The following PPHLN1 variants were observed in gnomAD, a reference collection of about 807,000 sequenced individuals.
PPHLN1 encodes periphilin-1.
PPHLN1 carries 29 observed loss-of-function variants against 51.3 expected under a neutral mutation model. The observed-to-expected ratio is 0.57, with a 90% CI of 0.42 to 0.77. The LOEUF is 0.77. Among genes scored for constraint, PPHLN1 ranks in the 30% least tolerant of loss-of-function variants. The pLI is 0.00. For missense variants in PPHLN1, 436 were observed against 438.4 expected (o/e 0.99, Z 0.05); for synonymous variants, 147 against 147.8 (o/e 0.99, Z 0.04).
Position 42,374,905 on chromosome 12 carries a change from C to G in PPHLN1, c.342C>G (p.Ser114=). The change falls in exon 5 of 10, where the codon TCC becomes TCG. Residue 114 remains serine (S), a synonymous_variant. Transcript: ENST00000358314. ...DGFRRKSFYS[S]HYARERSPYK... is the part of the protein sequence containing the mutation. ...TTAGAAGAAAAAGTTTCTACTCTTC[C>G]CATTATGCGAGAGAGCGGTCTCCTT... 6.2e-7 allele frequency: 1 copy of G among 1,613,258 alleles called. No individual in the cohort carries two copies. The highest frequency in any genetic ancestry group is 8.5e-7 in the Non-Finnish European group (1 of 1,179,828).
intron 2 of PPHLN1, among the ~76,000 whole-genome samples, chr12:42,337,280 T>G (rs1383532395): frequency 6.6e-6 from 1 of 151,406 alleles, no homozygotes; most frequent in Non-Finnish European, 1.5e-5. Flanking sequence ...TTTTTTTTTT[T>G]GAGATGGAGT....
chr12:42,331,982 T>C (rs1459119319), intron 1 of PPHLN1: 1 of 152,250 alleles, frequency 6.6e-6, no homozygotes, highest in Non-Finnish European at 1.5e-5. Context: ...ATCAGCTATT[T>C]TTAAATCCTT....
At chr12:42,379,274 C>T (rs913774532) in intron 5 of PPHLN1, among the ~76,000 whole-genome samples, 2 of 151,918 alleles carry the variant, frequency 1.3e-5, no homozygotes, top group Non-Finnish European at 2.9e-5. Flanking sequence ...GATAAATTTA[C>T]TAAATCACAA....
intron 9 of PPHLN1, chr12:42,399,704 C>T (rs1273807663): frequency 6.6e-6 from 1 of 152,604 alleles, no homozygotes; most frequent in Non-Finnish European, 1.5e-5. Flanking sequence ...AAATCCGTTT[C>T]CTTTTGTTGG....
chr12:42,375,237 TACAC>T, intron 5 of PPHLN1, 163 bp downstream of exon 5: 1 of 492,540 alleles, frequency 2.0e-6, no homozygotes, highest in East Asian at 3.3e-5. Flanking sequence ...ACAAACACCA[TACAC>T]ACACATTTTT....
chr12:42,405,116 A>G (rs1351555641), intron 9 of PPHLN1, among the ~76,000 whole-genome samples: 1 of 152,068 alleles, frequency 6.6e-6, no homozygotes, highest in African/African-American at 2.4e-5. Flanking sequence ...TGCTCTTTTT[A>G]TCTCAGTGTT....
chr12:42,437,566 A>G (rs1207866636), intron 9 of PPHLN1, among the ~76,000 whole-genome samples: 1 of 152,186 alleles, frequency 6.6e-6, no homozygotes. Flanking sequence ...GAAAACCTGC[A>G]AGAGCATAGA....
intron 2 of PPHLN1, among the ~76,000 whole-genome samples, chr12:42,339,259 TTTC>T (rs2071133199): frequency 6.6e-6 from 1 of 152,210 alleles, no homozygotes; most frequent in African/African-American, 2.4e-5. Context: ...TTCTCTCCTT[TTTC>T]TTCAATTCCA....
At chr12:42,422,831 A>C (rs990205643) in intron 9 of PPHLN1, among the ~76,000 whole-genome samples, 3 of 152,356 alleles carry the variant, frequency 2.0e-5, no homozygotes, top group Admixed American at 1.3e-4. Flanking sequence ...ATTTGCAAAC[A>C]AAACATTAAT....
Position 42,441,538 on chromosome 12 carries a change from AAAAC to A in PPHLN1, c.*31_*34del. On this transcript the variant is annotated 3_prime_UTR_variant, in exon 10 of 10. Transcript: ENST00000358314. Reference sequence around the variant, plus strand: ...TTTCTGCTCAGGCTAAAAAAAAAAAAAAACAGTTTCTAAAAATTTTTTTTCCTGG... The same window carrying A: ...TTTCTGCTCAGGCTAAAAAAAAAAAAAGTTTCTAAAAATTTTTTTTCCTGG... The A allele has an allele frequency of 1.3e-6, 2 of 1,522,512 alleles. No homozygotes were observed. The highest frequency in any genetic ancestry group is 1.8e-6 in the Non-Finnish European group (2 of 1,140,194). The allele number at this position is 1,522,512 out of a possible 1,614,324, so 94.3% of individuals were successfully genotyped here.
intron 4 of PPHLN1, chr12:42,355,474 C>T: frequency 3.0e-6 from 1 of 333,450 alleles, no homozygotes; most frequent in Non-Finnish European, 5.6e-6. Flanking sequence ...CGGTGGCTCA[C>T]ACTGTTAATC....
intron 1 of PPHLN1, among the ~76,000 whole-genome samples, chr12:42,333,628 G>A (rs368878202): frequency 5.9e-4 from 90 of 151,864 alleles, no homozygotes; most frequent in African/African-American, 1.9e-3. Context: ...GACTACAGGC[G>A]CCCGCCACCA....
At chr12:42,346,959 C>T (rs1196791934) in intron 2 of PPHLN1, 2 of 152,200 alleles carry the variant, frequency 1.3e-5, no homozygotes, top group Non-Finnish European at 1.5e-5. Flanking sequence ...CCAGTCAGCT[C>T]ACTGCAGCCT....
intron 7 of PPHLN1, among the ~76,000 whole-genome samples, chr12:42,389,349 G>A (rs1474119302): frequency 1.3e-5 from 2 of 151,684 alleles, no homozygotes; most frequent in Non-Finnish European, 2.9e-5. Flanking sequence ...CTCCAGCCTG[G>A]TAACAGAGTG....
chr12:42,360,110 C>CAAAAAAAAAA (rs10643805), intron 4 of PPHLN1, among the ~76,000 whole-genome samples: 8 of 123,132 alleles, frequency 6.5e-5, no homozygotes, highest in East Asian at 2.8e-4. Context: ...GACTCCATCT[C>CAAAAAAAAAA]AAAAAAAAAA....
In PPHLN1 at chr12:42,441,991, T is replaced by A. The variant is rs1327967603; in HGVS notation, c.*482T>A. 2 of 963,452 alleles carry A rather than the reference T, an allele frequency of 2.1e-6. No individual in the cohort carries two copies. The highest frequency in any genetic ancestry group is 1.8e-5 in the African/African-American group (1 of 56,830). The allele number at this position is 963,452 out of a possible 1,614,324, so 59.7% of individuals were successfully genotyped here. The stretch of plus-strand genomic sequence containing the variant: ...TGCTTTGAGAGTAATTCTCATTCAA[T>A]GATAAAATAGAGCACTTAAATCTCT... On this transcript the variant is annotated 3_prime_UTR_variant, in exon 10 of 10. Coordinates refer to ENST00000358314, the MANE Select transcript of PPHLN1 (RefSeq NM_201439.2).
intron 5 of PPHLN1, among the ~76,000 whole-genome samples, chr12:42,376,322 G>A (rs1280417864): frequency 6.6e-6 from 1 of 152,142 alleles, no homozygotes; most frequent in African/African-American, 2.4e-5. Flanking sequence ...AAACCATTTG[G>A]AGTCATCAGA....
intron 9 of PPHLN1, chr12:42,432,208 A>G: frequency 2.5e-6 from 2 of 804,348 alleles, no homozygotes; most frequent in South Asian, 1.3e-5. Context: ...ATTCTATTTC[A>G]GAGGGGTTAG....
At chr12:42,370,331 TAATA>T (rs1478791323) in intron 4 of PPHLN1, among the ~76,000 whole-genome samples, 1 of 152,226 alleles carries the variant, frequency 6.6e-6, no homozygotes, top group Non-Finnish European at 1.5e-5. Flanking sequence ...TTGCTCTAAT[TAATA>T]CTTTGCCCCA....
Sources: gnomAD v4.1 joint callset for allele counts (sites outside exome capture counted in the v4.1 genomes callset) on GRCh38, gnomAD v4.1.1 for gene constraint, MANE v1.5 for transcripts, NCBI Gene and HGNC (gene_info 2026-07-23, HGNC 2026-07-21) for gene names.